PTK2: variants seen among roughly 807,000 people sequenced by gnomAD.
The protein encoded by PTK2 is protein tyrosine kinase 2.
A neutral mutation model predicts 150.1 loss-of-function variants in PTK2; 45 were observed. That is an observed-to-expected ratio of 0.30 (90% CI 0.24 to 0.38). The LOEUF is 0.38. Among genes scored for constraint, PTK2 ranks in the 10% least tolerant of loss-of-function variants. The pLI, the probability that PTK2 is intolerant of heterozygous loss-of-function variation, is 1.00. For missense variants in PTK2, 919 were observed against 1,307.3 expected (o/e 0.70, Z 4.58); for synonymous variants, 432 against 449.2 (o/e 0.96, Z 0.48).
At position 140,789,641 on chromosome 8, in the gene PTK2, A is replaced by G; in HGVS notation, c.1125-115T>C. On this transcript the variant is annotated intron_variant, in intron 13 of 31. Transcript: ENST00000522684. Reference sequence around the variant, plus strand: ...AGGAAGACAAAATTTTAGATACGTGATTTCTTTAAAAATTGGATTCTACTA... The same window carrying G: ...AGGAAGACAAAATTTTAGATACGTGGTTTCTTTAAAAATTGGATTCTACTA... 4 of 900,804 alleles carry G rather than the reference A, an allele frequency of 4.4e-6. No homozygotes were observed. The South Asian group carries it at 5.4e-5, about 12-fold the overall frequency. The allele number at this position is 900,804 out of a possible 1,614,324, so 55.8% of individuals were successfully genotyped here. A position where few individuals can be genotyped will look rare whatever the true frequency, so the allele number is the denominator to read the frequency against.
intron 10 of PTK2, among the ~76,000 whole-genome samples, chr8:140,814,679 A>G (rs532005106): frequency 6.6e-6 from 1 of 152,298 alleles, no homozygotes; most frequent in East Asian, 1.9e-4. Flanking sequence ...ATAAAATAAT[A>G]AGACAGTGTA....
At chr8:140,907,477 T>C (rs1367776705) in intron 2 of PTK2, among the ~76,000 whole-genome samples, 1 of 152,212 alleles carries the variant, frequency 6.6e-6, no homozygotes, top group Non-Finnish European at 1.5e-5. Flanking sequence ...ACTCAACTTG[T>C]ACCTTCTTCC....
chr8:140,899,359 A>C (rs2154607659), intron 2 of PTK2, among the ~76,000 whole-genome samples: 1 of 152,352 alleles, frequency 6.6e-6, no homozygotes, highest in Admixed American at 6.5e-5. Flanking sequence ...ACAGAAATAC[A>C]AAGACTCTTA....
intron 14 of PTK2, among the ~76,000 whole-genome samples, chr8:140,766,572 G>A (rs973901895): frequency 2.6e-5 from 4 of 152,138 alleles, no homozygotes; most frequent in Admixed American, 6.5e-5. Context: ...GAACCTTCAC[G>A]TATCTTGCTC....
intron 2 of PTK2, among the ~76,000 whole-genome samples, chr8:140,902,337 CA>C (rs1268576050): frequency 1.2e-4 from 18 of 152,130 alleles, no homozygotes; most frequent in African/African-American, 4.3e-4. Context: ...GCCCAGCCAC[CA>C]TATTTTCTTT....
intron 31 of PTK2, 55 bp downstream of exon 35, chr8:140,664,862 T>G (rs2087870669): frequency 4.5e-6 from 7 of 1,548,220 alleles, no homozygotes; most frequent in Non-Finnish European, 6.2e-6. Context: ...CATCCCTGAA[T>G]GTGTCCCTGC....
chr8:140,841,343 G>A (rs1224476427), intron 7 of PTK2, among the ~76,000 whole-genome samples: 5 of 151,980 alleles, frequency 3.3e-5, no homozygotes, highest in African/African-American at 1.2e-4. Flanking sequence ...TTATTCTAGG[G>A]TCCACAAAAG....
At chr8:141,000,490 T>C (rs1317194531) in intron 1 of PTK2, among the ~76,000 whole-genome samples, 1 of 152,132 alleles carries the variant, frequency 6.6e-6, no homozygotes, top group African/African-American at 2.4e-5. Flanking sequence ...CCGACGTCCC[T>C]GCGATTTCCC....
chr8:140,963,869 TA>T (rs1373715441), intron 1 of PTK2, among the ~76,000 whole-genome samples: 5 of 152,062 alleles, frequency 3.3e-5, no homozygotes, highest in Admixed American at 2.0e-4. Flanking sequence ...TGAGGGGGGT[TA>T]GGGGGTTAAG....
At chr8:140,966,203 G>C (rs944924516) in intron 1 of PTK2, among the ~76,000 whole-genome samples, 2 of 152,120 alleles carry the variant, frequency 1.3e-5, no homozygotes, top group Admixed American at 1.3e-4. Context: ...ATACCCAACA[G>C]TATGCACCAT....
chr8:140,863,396 C>T (rs116220298), intron 5 of PTK2, among the ~76,000 whole-genome samples: 315 of 152,274 alleles, frequency 2.1e-3, no homozygotes, highest in African/African-American at 7.4e-3. Flanking sequence ...CTGGTTACGG[C>T]ATTTGCTAAC....
intron 20 of PTK2, among the ~76,000 whole-genome samples, chr8:140,741,726 G>A (rs2100055811): frequency 6.6e-6 from 1 of 152,034 alleles, no homozygotes; most frequent in South Asian, 2.1e-4. Flanking sequence ...AAAGTTCTAG[G>A]AATATGAAAA....
At chr8:140,958,290 C>A (rs1362062638) in intron 1 of PTK2, among the ~76,000 whole-genome samples, 2 of 152,016 alleles carry the variant, frequency 1.3e-5, no homozygotes, top group Non-Finnish European at 2.9e-5. Context: ...AGGTCTGTGC[C>A]ACCATACCCA....
intron 2 of PTK2, among the ~76,000 whole-genome samples, chr8:140,904,544 A>G (rs189100128): frequency 1.2e-3 from 183 of 152,086 alleles, no homozygotes; most frequent in African/African-American, 4.2e-3. Flanking sequence ...CTCTTTTTCT[A>G]TTGCTTGGAA....
At chr8:140,734,597 G>T in intron 22 of PTK2, 1 of 398,046 alleles carries the variant, frequency 2.5e-6, no homozygotes, top group Non-Finnish European at 5.1e-6. Context: ...ATGTCCCTGC[G>T]TGCTTCCTCC....
At chr8:140,922,013 G>T (rs572029528) in intron 2 of PTK2, among the ~76,000 whole-genome samples, 4 of 143,576 alleles carry the variant, frequency 2.8e-5, no homozygotes, top group Non-Finnish European at 6.3e-5. Context: ...CTAAATGTGG[G>T]TAATTTTGTT....
intron 8 of PTK2, among the ~76,000 whole-genome samples, chr8:140,823,502 T>C (rs1016492322): frequency 7.4e-5 from 11 of 147,942 alleles, no homozygotes; most frequent in Non-Finnish European, 1.5e-4. Flanking sequence ...TATACACACC[T>C]GCCTACCTGA....
chr8:140,993,125 G>C (rs767068983), intron 1 of PTK2, among the ~76,000 whole-genome samples: 1 of 152,132 alleles, frequency 6.6e-6, no homozygotes, highest in Non-Finnish European at 1.5e-5. Flanking sequence ...TTATGAAAGA[G>C]CAGAGCAATA....
intron 27 of PTK2, among the ~76,000 whole-genome samples, chr8:140,677,252 T>C (rs1214031206): frequency 1.3e-5 from 2 of 152,160 alleles, no homozygotes; most frequent in East Asian, 1.9e-4. Flanking sequence ...TTGGTAGCAC[T>C]GGGTGTGTAG....
Sources: allele counts gnomAD v4.1 joint callset (sites outside exome capture counted in the v4.1 genomes callset), GRCh38; gene constraint gnomAD v4.1.1; transcripts MANE v1.5; gene names NCBI Gene and HGNC (gene_info 2026-07-23, HGNC 2026-07-21).